PKD2L1: variants seen among roughly 807,000 people sequenced by gnomAD.
PKD2L1 encodes the protein polycystin 2 like 1, transient receptor potential cation channel.
In PKD2L1, 77 loss-of-function variants were observed where a neutral mutation model predicts 93.0. That is an observed-to-expected ratio of 0.83 (90% confidence interval 0.69 to 1.00). The LOEUF is 1.00. Among genes scored for constraint, PKD2L1 ranks in the 50% least tolerant of loss-of-function variants. The probability of loss-of-function intolerance (pLI) is 0.00; values close to 1 mark genes in which losing one functional copy is unlikely to be tolerated. For synonymous variants in PKD2L1, 390 were observed against 388.0 expected (o/e 1.01, Z -0.06); for missense variants, 977 against 990.9 (o/e 0.99, Z 0.19).
chr10:100,297,482 G>A lies in PKD2L1; in HGVS notation c.856C>T (p.Arg286Trp), dbSNP rs375391448. The part of the protein sequence containing the change: ...GSRQGSAEAL[R>W]ALQEGLWLDR... ...AGCCACAGCCCCTCCTGAAGGGCCC[G>A]GAGAGCCTCTGCACTACCCTGTCGG... Residue 286 changes from arginine (R) to tryptophan (W), a missense_variant, in exon 5 of 16, where the codon CGG (arginine) becomes TGG (tryptophan). Physicochemically the swap from Arg to Trp is moderately radical, Grantham distance 101. Coordinates refer to ENST00000318222, the MANE Select transcript of PKD2L1 (RefSeq NM_016112.3). 219 of 1,614,084 alleles carry A rather than the reference G, an allele frequency of 1.4e-4. 1 individual carries two copies. Among genetic ancestry groups the A allele is most frequent in the Middle Eastern group, 6.6e-4 (4 of 6,062 alleles).
At chr10:100,306,317 C>A (rs963270349) in intron 2 of PKD2L1, among the ~76,000 whole-genome samples, 1 of 152,148 alleles carries the variant, frequency 6.6e-6, no homozygotes, top group Non-Finnish European at 1.5e-5. Context: ...ATAGAAATGT[C>A]AAGAAGGCAG....
At chr10:100,295,265 T>C (rs959914961) in intron 7 of PKD2L1, 142 bp from the exon 8 acceptor site, 9 of 652,076 alleles carry the variant, frequency 1.4e-5, no homozygotes, top group African/African-American at 1.3e-4. Flanking sequence ...GGGAGAATGA[T>C]ACAAAAATTA....
chr10:100,291,255 T>C (rs1362528785), intron 12 of PKD2L1, 46 bp downstream of exon 12: 17 of 1,582,604 alleles, frequency 1.1e-5, no homozygotes, highest in Non-Finnish European at 1.5e-5. Context: ...AAGGAGAGGG[T>C]GAGCTATTTC....
chr10:100,303,307 C>T (rs1211997481), intron 2 of PKD2L1, among the ~76,000 whole-genome samples: 2 of 151,458 alleles, frequency 1.3e-5, no homozygotes, highest in Non-Finnish European at 2.9e-5. Flanking sequence ...AATTCTCCTG[C>T]CTCAGCCTCC....
At chr10:100,298,886 C>T (rs1046224851) in intron 3 of PKD2L1, 71 bp from the exon 4 acceptor site, 8 of 1,456,288 alleles carry the variant, frequency 5.5e-6, no homozygotes, top group Admixed American at 2.2e-5. Flanking sequence ...GACCTTTGCC[C>T]TCATCCTCTG....
At chr10:100,302,664 A>G (rs1467898384) in intron 2 of PKD2L1, among the ~76,000 whole-genome samples, 1 of 149,762 alleles carries the variant, frequency 6.7e-6, no homozygotes. Context: ...AGATCATACC[A>G]CTGGGTGACA....
chr10:100,329,395 T>A lies in PKD2L1; in HGVS notation c.236-71A>T, dbSNP rs1849453961. On this transcript the variant is annotated intron_variant, in intron 1 of 15. Coordinates refer to ENST00000318222, the MANE Select transcript of PKD2L1 (RefSeq NM_016112.3). ...CCTCCCAGTCATCCCCACCCATCTG[T>A]CTCTGGACTTTAGCCCCTTTCCACC... is the stretch of plus-strand genomic sequence containing the variant. 1.9e-6 allele frequency: 3 copies of A among 1,609,478 alleles called. No individual in the cohort carries two copies. In the East Asian group the frequency reaches 6.7e-5, roughly 36 times the overall value.
chr10:100,297,347 T>C, intron 5 of PKD2L1, 35 bp downstream of exon 5: 4 of 1,576,378 alleles, frequency 2.5e-6, no homozygotes, highest in Non-Finnish European at 3.5e-6. Flanking sequence ...CCAGGAGCCA[T>C]GGACAGGGTG....
rs12782963 is a variant in PKD2L1, at chr10:100,288,451, G to C, written c.2363C>G (p.Ala788Gly). The change falls in exon 16 of 16, where the codon GCC becomes GGC. Residue 788 changes from alanine (A) to glycine (G), a missense_variant. Transcript: ENST00000318222. ...SEVPYKREEE[A>G]LEERRLSRGE... The stretch of plus-strand genomic sequence containing the variant: ...ACGGGAGAGTCTCCTCTCCTCTAAG[G>C]CTTCCTCTTCTCTTTTATAGGGAAC... The C allele has an allele frequency of 4.4e-5, 71 of 1,611,494 alleles. No individual in the cohort carries two copies. Among genetic ancestry groups the C allele is most frequent in the South Asian group, 1.3e-4 (12 of 91,022 alleles).
intron 2 of PKD2L1, 86 bp from the exon 3 acceptor site, chr10:100,299,804 T>C: frequency 8.0e-7 from 1 of 1,246,942 alleles, no homozygotes; most frequent in Non-Finnish European, 1.2e-6. Flanking sequence ...TCAGAGATGC[T>C]TCCAAGATGG....
chr10:100,291,214 A>AG (rs5787377), intron 12 of PKD2L1, 87 bp downstream of exon 12: 153,239 of 1,375,728 alleles, frequency 0.11, 16,785 homozygotes, highest in African/African-American at 0.56. Flanking sequence ...GAGAGTTTTC[A>AG]GGTGGGTTTG....
chr10:100,303,435 C>T (rs1358427103), intron 2 of PKD2L1, among the ~76,000 whole-genome samples: 3 of 152,148 alleles, frequency 2.0e-5, no homozygotes, highest in Non-Finnish European at 2.9e-5. Context: ...CCGCCCGCCT[C>T]GGCCTCCCAA....
intron 2 of PKD2L1, among the ~76,000 whole-genome samples, chr10:100,326,001 G>T (rs1319861186): frequency 6.6e-6 from 1 of 152,152 alleles, no homozygotes; most frequent in African/African-American, 2.4e-5. Flanking sequence ...TGCTTAACCA[G>T]CATGCTATAC....
At chr10:100,325,643 A>T (rs928689087) in intron 2 of PKD2L1, among the ~76,000 whole-genome samples, 25 of 152,156 alleles carry the variant, frequency 1.6e-4, no homozygotes, top group African/African-American at 6.0e-4. Context: ...CAGGGTCTTT[A>T]TTAAGAGTGC....
chr10:100,288,659 C>G (rs1320904106), intron 15 of PKD2L1, among the ~76,000 whole-genome samples, 181 bp from the exon 16 acceptor site: 2 of 151,900 alleles, frequency 1.3e-5, no homozygotes, highest in Non-Finnish European at 2.9e-5. Context: ...CCCTCCCTCT[C>G]TTTATCCTGT....
chr10:100,314,759 G>C (rs938256882), intron 2 of PKD2L1, among the ~76,000 whole-genome samples: 1 of 151,786 alleles, frequency 6.6e-6, no homozygotes, highest in Non-Finnish European at 1.5e-5. Context: ...AATGGGCCGG[G>C]TGCGCTGGCT....
At chr10:100,318,484 T>A (rs1849151442) in intron 2 of PKD2L1, among the ~76,000 whole-genome samples, 1 of 152,050 alleles carries the variant, frequency 6.6e-6, no homozygotes, top group Non-Finnish European at 1.5e-5. Flanking sequence ...CCTGGCCTCA[T>A]CTACAACAAT....
intron 2 of PKD2L1, among the ~76,000 whole-genome samples, chr10:100,314,102 C>T (rs1222077099): frequency 6.6e-6 from 1 of 152,114 alleles, no homozygotes; most frequent in Non-Finnish European, 1.5e-5. Context: ...GGATTACAGG[C>T]GTGAACCACC....
Position 100,295,100 on chromosome 10 carries a change from G to T in PKD2L1, c.1380C>A (p.Asn460Lys), listed in dbSNP as rs1379438881. Residue 460 changes from asparagine to lysine, a missense_variant, in exon 8 of 16, where the codon AAC becomes AAA. Physicochemically the swap from Asn to Lys is moderately conservative, Grantham distance 94 (BLOSUM62 0). Transcript: ENST00000318222. Reference sequence around the variant, plus strand: ...TGGAGGAGAGCTGGGTCATGGTTTTGTTGAAGCTGATGTACTTGAATATCT... The same window carrying T: ...TGGAGGAGAGCTGGGTCATGGTTTTTTTGAAGCTGATGTACTTGAATATCT... ...WIKIFKYISF[N>K]KTMTQLSSTL... The T allele has an allele frequency of 6.2e-7, 1 of 1,614,044 alleles. No individual in the cohort carries two copies. The highest frequency in any genetic ancestry group is 8.5e-7 in the Non-Finnish European group (1 of 1,179,922).
Sources: gnomAD v4.1 joint callset for allele counts (sites outside exome capture counted in the v4.1 genomes callset) on GRCh38, gnomAD v4.1.1 for gene constraint, MANE v1.5 for transcripts, NCBI Gene and HGNC (gene_info 2026-07-23, HGNC 2026-07-21) for gene names.